PKP2: variants seen among roughly 807,000 people sequenced by gnomAD.
PKP2 encodes plakophilin 2, also known as plakophilin-2.
A neutral mutation model predicts 83.4 loss-of-function variants in PKP2; 73 were observed. The observed-to-expected ratio is 0.88, with a 90% CI of 0.72 to 1.06. The LOEUF is 1.06. PKP2 is among the 50% of genes least tolerant of loss of function. The probability of loss-of-function intolerance (pLI) is 0.00; values close to 1 mark genes in which losing one functional copy is unlikely to be tolerated. For missense variants in PKP2, 966 were observed against 1,065.4 expected (o/e 0.91, Z 1.30); for synonymous variants, 409 against 430.4 (o/e 0.95, Z 0.62).
Position 32,885,332 on chromosome 12 carries a change from C to T in PKP2, c.224-6300G>A, listed in dbSNP as rs531761103. ...TTTGGTCACCAATACAAACATTGCT[C>T]GAAATAATGAATTATTGTCAGGGTT... is the stretch of plus-strand genomic sequence containing the variant. On this transcript the variant is annotated intron_variant, in intron 1 of 12. Transcript: ENST00000340811. Among the ~76,000 whole-genome samples the T allele has an allele frequency of 3.3e-4, 50 of 152,220 alleles. 1 individual carries two copies. The highest frequency in any genetic ancestry group is 1.1e-3 in the African/African-American group (45 of 41,526).
At chr12:32,830,905 A>T (rs1396108496) in intron 6 of PKP2, among the ~76,000 whole-genome samples, 1 of 2,706 alleles carries the variant, frequency 3.7e-4, no homozygotes, top group African/African-American at 7.9e-4. Context: ...GACTGCATCT[A>T]AAAAAAAAAA....
chr12:32,878,474 C>A lies in PKP2; in HGVS notation c.406G>T (p.Val136Leu), dbSNP rs567795321. The A allele has an allele frequency of 3.6e-5, 58 of 1,613,794 alleles. No homozygotes were observed. Among genetic ancestry groups the A allele is most frequent in the Non-Finnish European group, 4.7e-5 (55 of 1,179,904 alleles). The change falls in exon 3 of 13, where the codon GTG (valine) becomes TTG (leucine). Residue 136 changes from valine to leucine, a missense_variant. Physicochemically the swap from Val to Leu is conservative, Grantham distance 32. Transcript: ENST00000340811. ...GGATGCCTCAAGGACCTTTCTTCCA[C>A]GGACTTCTGGGAGCTGTACTGTGCT... Reference protein sequence around the residue: ...GTAQYSSQKSVEERSLRHPLR... With the variant: ...GTAQYSSQKSLEERSLRHPLR...
chr12:32,877,788 G>T, intron 3 of PKP2, 58 bp downstream of exon 3: 1 of 1,239,742 alleles, frequency 8.1e-7, no homozygotes, highest in Non-Finnish European at 1.2e-6. Context: ...TGCTGTCAGG[G>T]CTGTGGGAAC....
chr12:32,876,518 GACCTGAT>G (rs1223534543), intron 3 of PKP2, among the ~76,000 whole-genome samples: 1 of 152,030 alleles, frequency 6.6e-6, no homozygotes, highest in African/African-American at 2.4e-5. Context: ...CATAAACAAT[GACCTGAT>G]ACACTTTCTC....
At chr12:32,855,407 C>T (rs1956736405) in intron 4 of PKP2, among the ~76,000 whole-genome samples, 1 of 152,164 alleles carries the variant, frequency 6.6e-6, no homozygotes, top group Non-Finnish European at 1.5e-5. Context: ...AAGGTAGCAA[C>T]TACCATCACC....
intron 6 of PKP2, among the ~76,000 whole-genome samples, chr12:32,838,716 C>A (rs1275665276): frequency 6.6e-6 from 1 of 152,150 alleles, no homozygotes; most frequent in Non-Finnish European, 1.5e-5. Flanking sequence ...AAGTGTCAGG[C>A]ATTAAAAATG....
At chr12:32,839,374 C>CTTTTTT (rs758561343) in intron 6 of PKP2, among the ~76,000 whole-genome samples, 1 of 130,220 alleles carries the variant, frequency 7.7e-6, no homozygotes, top group Non-Finnish European at 1.6e-5. Flanking sequence ...AAGATGTGCA[C>CTTTTTT]TTTTTTTTTT....
intron 9 of PKP2, among the ~76,000 whole-genome samples, chr12:32,811,070 A>G (rs1023962706): frequency 3.9e-5 from 6 of 152,192 alleles, no homozygotes; most frequent in African/African-American, 1.2e-4. Context: ...TCATCATCCA[A>G]TTGAGTCTCC....
intron 9 of PKP2, among the ~76,000 whole-genome samples, chr12:32,811,019 A>G (rs1336118115): frequency 4.6e-5 from 7 of 152,340 alleles, no homozygotes; most frequent in Admixed American, 3.9e-4. Flanking sequence ...CAGCTGGGAG[A>G]TGAGCAGAAC....
At chr12:32,799,632 G>A (rs931881124) in intron 10 of PKP2, among the ~76,000 whole-genome samples, 13 of 152,084 alleles carry the variant, frequency 8.5e-5, no homozygotes, top group East Asian at 5.8e-4. Context: ...TGGCCTTTGC[G>A]GCAAATTGGA....
intron 4 of PKP2, among the ~76,000 whole-genome samples, chr12:32,860,090 C>G (rs1416971792): frequency 6.6e-6 from 1 of 152,092 alleles, no homozygotes; most frequent in African/African-American, 2.4e-5. Flanking sequence ...TGATGGATAG[C>G]GATCCCTTAG....
At chr12:32,882,326 A>G (rs181500822) in intron 1 of PKP2, among the ~76,000 whole-genome samples, 83 of 152,280 alleles carry the variant, frequency 5.5e-4, no homozygotes, top group South Asian at 8.4e-4. Context: ...ATAAAACGGC[A>G]GGTGATGAAA....
rs117865287 is a variant in PKP2, at chr12:32,877,340, C to T, written c.1034+506G>A. ...CTGCCAAAAGAATACCCCTTCAAAT[C>T]ACTGACACTAGAAATCTAAAAGGTA... is the stretch of plus-strand genomic sequence containing the variant. On this transcript the variant is annotated intron_variant, in intron 3 of 12. Transcript: ENST00000340811. 9.2e-3 allele frequency among the ~76,000 whole-genome samples: 1,395 copies of T among 152,226 alleles called. 5 individuals are homozygous for T. The highest frequency in any genetic ancestry group is 0.034 in the South Asian group (162 of 4,816).
intron 1 of PKP2, among the ~76,000 whole-genome samples, chr12:32,896,054 T>TC (rs546577199): frequency 1.1e-4 from 16 of 152,186 alleles, no homozygotes; most frequent in Non-Finnish European, 2.2e-4. Context: ...TCGGTTTTTT[T>TC]CCCCAAGATA....
At chr12:32,850,703 T>C in intron 5 of PKP2, 63 bp downstream of exon 5, 4 of 1,238,766 alleles carry the variant, frequency 3.2e-6, no homozygotes, top group Non-Finnish European at 4.7e-6. Context: ...GAAAAAGAGA[T>C]GATGTAAGGC....
rs1005474786 is a variant in PKP2, at chr12:32,870,420, G to C, written c.1035-1358C>G. Among the ~76,000 whole-genome samples, 4 of 151,698 alleles carry C rather than the reference G, an allele frequency of 2.6e-5. No individual in the cohort carries two copies. In the South Asian group the frequency reaches 8.3e-4, roughly 32 times the overall value. On this transcript the variant is annotated intron_variant, in intron 3 of 12. Coordinates refer to ENST00000340811, the MANE Select transcript of PKP2 (RefSeq NM_001005242.3). ...GAAGGGTTACCTCATAAGTATAAAG[G>C]GTATTAAAAGTGAAGCAGAAAATCT... is the stretch of plus-strand genomic sequence containing the variant.
chr12:32,798,311 G>A (rs1044029243), intron 10 of PKP2, among the ~76,000 whole-genome samples: 2 of 150,916 alleles, frequency 1.3e-5, no homozygotes, highest in Admixed American at 6.6e-5. Flanking sequence ...GGCTGGTCTC[G>A]AACTCCTGAC....
intron 4 of PKP2, among the ~76,000 whole-genome samples, chr12:32,866,157 T>G (rs1327489407): frequency 3.3e-5 from 5 of 151,914 alleles, no homozygotes; most frequent in African/African-American, 1.2e-4. Flanking sequence ...ATTAAAAAAC[T>G]TACAAAATTC....
intron 4 of PKP2, among the ~76,000 whole-genome samples, chr12:32,858,787 T>A (rs1271025554): frequency 1.3e-5 from 2 of 151,966 alleles, no homozygotes; most frequent in African/African-American, 4.8e-5. Flanking sequence ...GTAGAAAAAA[T>A]ACACAATGGA....
Sources: allele counts gnomAD v4.1 joint callset (sites outside exome capture counted in the v4.1 genomes callset), GRCh38; gene constraint gnomAD v4.1.1; transcripts MANE v1.5; gene names NCBI Gene and HGNC (gene_info 2026-07-23, HGNC 2026-07-21).